Variants in CTNNA3 observed in about 807,000 individuals in gnomAD.
The protein encoded by CTNNA3 is catenin alpha-3.
A neutral mutation model predicts 95.7 loss-of-function variants in CTNNA3; 76 were observed. That is an observed-to-expected ratio of 0.79 (90% CI 0.66 to 0.96). The LOEUF (loss-of-function observed/expected upper bound fraction) is 0.96. Among genes scored for constraint, CTNNA3 ranks in the 40% least tolerant of loss-of-function variants. The pLI is 0.00. For missense variants in CTNNA3, 1,191 were observed against 1,089.8 expected (o/e 1.09, Z -1.31); for synonymous variants, 431 against 374.4 (o/e 1.15, Z -1.74).
chr10:66,623,732 C>T lies in CTNNA3; in HGVS notation c.1282-1948G>A, dbSNP rs554783663. 3.9e-5 allele frequency among the ~76,000 whole-genome samples: 6 copies of T among 152,200 alleles called. No homozygotes were observed. The South Asian group carries it at 1.2e-3, about 32-fold the overall frequency. ...CTAGGTAATAGAGTATATTTCAAGT[C>T]ATGTGCAGTTTTAGTGCTATTGTGT... On this transcript the variant is annotated intron_variant, in intron 9 of 17. Transcript: ENST00000433211.
chr10:67,681,909 G>A (rs1262510505), intron 1 of CTNNA3, among the ~76,000 whole-genome samples: 2 of 152,092 alleles, frequency 1.3e-5, no homozygotes, highest in Non-Finnish European at 2.9e-5. Flanking sequence ...TGTAATCCCA[G>A]CACTTTGGGA....
intron 7 of CTNNA3, among the ~76,000 whole-genome samples, chr10:66,995,118 C>G (rs539554868): frequency 6.6e-6 from 1 of 152,226 alleles, no homozygotes; most frequent in Non-Finnish European, 1.5e-5. Context: ...TCTGAGGTGT[C>G]ATTGCTTGAA....
At chr10:65,960,910 T>G (rs2133239223) in intron 17 of CTNNA3, among the ~76,000 whole-genome samples, 1 of 152,324 alleles carries the variant, frequency 6.6e-6, no homozygotes, top group South Asian at 2.1e-4. Context: ...TTTTCTTTAT[T>G]TAATAAATGT....
chr10:66,123,510 T>A (rs1377746234), intron 13 of CTNNA3, among the ~76,000 whole-genome samples: 1 of 151,938 alleles, frequency 6.6e-6, no homozygotes, highest in Non-Finnish European at 1.5e-5. Context: ...CATTCTGGGG[T>A]CTGGAGGATG....
chr10:66,125,768 G>A (rs936323578), intron 13 of CTNNA3, among the ~76,000 whole-genome samples: 1 of 152,140 alleles, frequency 6.6e-6, no homozygotes, highest in Non-Finnish European at 1.5e-5. Context: ...CAGACTATAT[G>A]ATCCCAATTG....
intron 14 of CTNNA3, among the ~76,000 whole-genome samples, chr10:66,077,589 T>C (rs2080593648): frequency 6.6e-6 from 1 of 151,790 alleles, no homozygotes; most frequent in Admixed American, 6.6e-5. Flanking sequence ...TAGATAAATT[T>C]CATTCAGGAT....
intron 10 of CTNNA3, among the ~76,000 whole-genome samples, chr10:66,551,315 T>G (rs529714064): frequency 6.6e-6 from 1 of 152,232 alleles, no homozygotes; most frequent in African/African-American, 2.4e-5. Flanking sequence ...GATGAGACAT[T>G]CTCATCAGAA....
chr10:66,708,550 A>T (rs576299710), intron 9 of CTNNA3, among the ~76,000 whole-genome samples: 1 of 150,722 alleles, frequency 6.6e-6, no homozygotes, highest in South Asian at 2.1e-4. Context: ...ATGCACTCTC[A>T]TTCCAAGGAA....
intron 5 of CTNNA3, among the ~76,000 whole-genome samples, chr10:67,477,725 A>G (rs1848072284): frequency 6.6e-6 from 1 of 152,202 alleles, no homozygotes; most frequent in Admixed American, 6.5e-5. Flanking sequence ...AATTAGAAGT[A>G]CCAGTGACTA....
At chr10:67,611,106 C>T (rs902017402) in intron 2 of CTNNA3, among the ~76,000 whole-genome samples, 2 of 151,966 alleles carry the variant, frequency 1.3e-5, no homozygotes, top group East Asian at 1.9e-4. Flanking sequence ...TCCACAAAAC[C>T]GGACATATTT....
chr10:67,734,867 T>A (rs1335083433), intron 1 of CTNNA3, among the ~76,000 whole-genome samples: 1 of 152,062 alleles, frequency 6.6e-6, no homozygotes. Context: ...TAACATGGGT[T>A]TTTTTTAAAT....
intron 10 of CTNNA3, among the ~76,000 whole-genome samples, chr10:66,614,607 T>C (rs1844446247): frequency 6.6e-6 from 1 of 151,998 alleles, no homozygotes; most frequent in Non-Finnish European, 1.5e-5. Context: ...AGATTTTCAG[T>C]AACAACTTAT....
intron 15 of CTNNA3, among the ~76,000 whole-genome samples, chr10:65,996,159 C>T (rs2078653166): frequency 6.6e-6 from 1 of 152,142 alleles, no homozygotes; most frequent in Admixed American, 6.5e-5. Flanking sequence ...CTTCAGTGTC[C>T]AGAATTGGTG....
At chr10:67,582,871 A>G (rs1168203967) in intron 3 of CTNNA3, among the ~76,000 whole-genome samples, 4 of 152,060 alleles carry the variant, frequency 2.6e-5, no homozygotes, top group African/African-American at 4.8e-5. Flanking sequence ...ATTAGAGACT[A>G]GGATTGCAAC....
At position 67,256,926 on chromosome 10, in the gene CTNNA3, A is replaced by C. The variant is rs563685548; in HGVS notation, c.580-37056T>G. Among the ~76,000 whole-genome samples the C allele has an allele frequency of 1.8e-4, 28 of 152,302 alleles. 1 individual carries two copies. In the South Asian group the frequency reaches 4.8e-3, roughly 26 times the overall value. On this transcript the variant is annotated intron_variant, in intron 5 of 17. Transcript: ENST00000433211. ...AGAAAAAGTTTAGTTAAATAAAAAA[A>C]ATTAAAATTGCAAAATGCAAACTCT...
At chr10:66,113,268 T>C (rs1248405381) in intron 13 of CTNNA3, among the ~76,000 whole-genome samples, 1 of 152,194 alleles carries the variant, frequency 6.6e-6, no homozygotes, top group East Asian at 1.9e-4. Flanking sequence ...AATTCAATTT[T>C]CACCTATAGC....
At chr10:66,196,585 TAA>T in intron 13 of CTNNA3, among the ~76,000 whole-genome samples, 2 of 152,304 alleles carry the variant, frequency 1.3e-5, no homozygotes, top group Admixed American at 1.3e-4. Context: ...ACTCAGGAAC[TAA>T]CTCCCTCACT....
intron 5 of CTNNA3, among the ~76,000 whole-genome samples, chr10:67,238,705 A>G (rs1232112333): frequency 6.6e-6 from 1 of 151,196 alleles, no homozygotes; most frequent in Non-Finnish European, 1.5e-5. Context: ...CGAACTTGAT[A>G]ACTTGTTAAT....
At chr10:67,346,568 T>G (rs1207391081) in intron 5 of CTNNA3, 2 of 204,928 alleles carry the variant, frequency 9.8e-6, no homozygotes, top group East Asian at 2.8e-4. Context: ...AAATGGACCT[T>G]ATTAGAACAG....
Sources: allele counts gnomAD v4.1 joint callset (sites outside exome capture counted in the v4.1 genomes callset), GRCh38; gene constraint gnomAD v4.1.1; transcripts MANE v1.5; gene names NCBI Gene and HGNC (gene_info 2026-07-23, HGNC 2026-07-21).